The following CHCHD3 variants were observed in gnomAD, a reference collection of about 807,000 sequenced individuals.
CHCHD3 encodes MICOS complex subunit MIC19.
Under a neutral mutation model 38.2 loss-of-function variants are expected in CHCHD3, and 20 were observed. The observed-to-expected ratio is 0.52, with a 90% CI of 0.37 to 0.76. CHCHD3 has a LOEUF of 0.76. Ranked by LOEUF, CHCHD3 falls within the 30% of genes least tolerant of loss-of-function variation. The pLI is 0.00. For synonymous variants in CHCHD3, 82 were observed against 100.0 expected, an observed-to-expected ratio of 0.82 and a Z score of 1.07; for missense variants, 245 against 279.2, an observed-to-expected ratio of 0.88 and a Z score of 0.87.
chr7:133,071,960 A>G (rs1348250344), intron 1 of CHCHD3, among the ~76,000 whole-genome samples: 1 of 152,176 alleles, frequency 6.6e-6, no homozygotes, highest in African/African-American at 2.4e-5. Context: ...TTAACTGTAA[A>G]CAGGCACAAG....
chr7:133,032,697 T>A (rs1016504523), intron 2 of CHCHD3, among the ~76,000 whole-genome samples: 1 of 152,152 alleles, frequency 6.6e-6, no homozygotes, highest in African/African-American at 2.4e-5. Context: ...ACATCTTAAG[T>A]AGACAATTCC....
Position 133,081,865 on chromosome 7 carries a change from C to T in CHCHD3, c.73G>A (p.Gly25Ser). 3 of 1,554,226 alleles carry T rather than the reference C, an allele frequency of 1.9e-6. No homozygotes were observed. Among genetic ancestry groups the T allele is most frequent in the Non-Finnish European group, 1.7e-6 (2 of 1,148,296 alleles). The change falls in exon 1 of 8, where the codon GGC (glycine) becomes AGC (serine). Residue 25 changes from glycine to serine, a missense_variant. Physicochemically the swap from Gly to Ser is moderately conservative, Grantham distance 56. Transcript: ENST00000262570. ...CGTCCACGGGCACTCACCCGGATGC[C>T]CTTCACCACGGTGATGTTCTCATTC... Reference protein sequence around the residue: ...DENENITVVKGIRLSENVIDR... With the variant: ...DENENITVVKSIRLSENVIDR...
At chr7:132,880,518 T>C (rs1024616393) in intron 5 of CHCHD3, among the ~76,000 whole-genome samples, 2 of 152,202 alleles carry the variant, frequency 1.3e-5, no homozygotes, top group Non-Finnish European at 2.9e-5. Context: ...GTGTGTATTT[T>C]AAAACTATAC....
intron 3 of CHCHD3, among the ~76,000 whole-genome samples, chr7:132,980,784 T>A (rs112638015): frequency 6.6e-6 from 1 of 152,270 alleles, no homozygotes; most frequent in Admixed American, 6.5e-5. Context: ...TTATAAAACA[T>A]TCAACTTTCA....
chr7:132,793,249 G>A (rs951345417), intron 7 of CHCHD3, among the ~76,000 whole-genome samples: 1 of 152,132 alleles, frequency 6.6e-6, no homozygotes, highest in African/African-American at 2.4e-5. Context: ...ATGGGAACCA[G>A]GTATCAAAGG....
intron 4 of CHCHD3, among the ~76,000 whole-genome samples, chr7:132,888,712 T>A (rs993488488): frequency 1.3e-5 from 2 of 151,998 alleles, no homozygotes; most frequent in Admixed American, 1.3e-4. Context: ...ATTATAAAGA[T>A]TTTGATCCAG....
chr7:132,800,212 C>T (rs1347453545), intron 6 of CHCHD3, among the ~76,000 whole-genome samples: 1 of 152,096 alleles, frequency 6.6e-6, no homozygotes, highest in Non-Finnish European at 1.5e-5. Context: ...TTTTTCACTG[C>T]TTAAAAAACA....
Position 133,068,542 on chromosome 7 carries a change from A to C in CHCHD3, c.169+1600T>G, listed in dbSNP as rs528335141. On this transcript the variant is annotated intron_variant, in intron 2 of 7. Coordinates refer to ENST00000262570, the MANE Select transcript of CHCHD3 (RefSeq NM_017812.4). ...AGAGCCACCACTGGGACATGACTTGACCTGATTTGCTTTTCTTCAAAAGAT... is the reference window on the plus strand; with the variant it reads ...AGAGCCACCACTGGGACATGACTTGCCCTGATTTGCTTTTCTTCAAAAGAT... Among the ~76,000 whole-genome samples, 103 of 152,324 alleles carry C rather than the reference A, an allele frequency of 6.8e-4. 2 individuals are homozygous for C. The highest frequency in any genetic ancestry group is 2.3e-3 in the African/African-American group (97 of 41,568).
intron 4 of CHCHD3, among the ~76,000 whole-genome samples, chr7:132,955,765 G>T (rs1811149336): frequency 6.6e-6 from 1 of 152,032 alleles, no homozygotes; most frequent in African/African-American, 2.4e-5. Context: ...ATTCTAACAA[G>T]GAAGAGCAGA....
chr7:132,941,418 T>C (rs1454273781), intron 4 of CHCHD3, among the ~76,000 whole-genome samples: 5 of 152,094 alleles, frequency 3.3e-5, no homozygotes, highest in African/African-American at 9.7e-5. Context: ...CTCACAACAA[T>C]GGCTTTCCTT....
intron 4 of CHCHD3, among the ~76,000 whole-genome samples, chr7:132,898,238 C>CT (rs1301119275): frequency 1.3e-5 from 2 of 152,196 alleles, no homozygotes; most frequent in Admixed American, 6.5e-5. Flanking sequence ...CGGGTTGCCA[C>CT]TGCTGGCTGG....
chr7:133,038,916 A>T (rs1813753260), intron 2 of CHCHD3, among the ~76,000 whole-genome samples: 1 of 152,220 alleles, frequency 6.6e-6, no homozygotes, highest in South Asian at 2.1e-4. Flanking sequence ...TGTAAATGTA[A>T]ACTATATTAT....
chr7:133,003,819 G>A (rs1346905986), intron 3 of CHCHD3, among the ~76,000 whole-genome samples: 1 of 152,052 alleles, frequency 6.6e-6, no homozygotes, highest in African/African-American at 2.4e-5. Context: ...AAAATACCTT[G>A]AAAAGAAACA....
At chr7:132,992,925 A>G (rs1271813840) in intron 3 of CHCHD3, among the ~76,000 whole-genome samples, 16 of 152,178 alleles carry the variant, frequency 1.1e-4, no homozygotes, top group South Asian at 2.1e-4. Flanking sequence ...AATTTTCTAA[A>G]TCCTTGCATA....
At chr7:133,061,143 C>T (rs1054811346) in intron 2 of CHCHD3, among the ~76,000 whole-genome samples, 2 of 151,616 alleles carry the variant, frequency 1.3e-5, no homozygotes, top group Non-Finnish European at 2.9e-5. Context: ...AGAGGAAGGC[C>T]GGGGTGGGGT....
chr7:133,060,294 T>C (rs1351986393), intron 2 of CHCHD3, among the ~76,000 whole-genome samples: 1 of 152,128 alleles, frequency 6.6e-6, no homozygotes, highest in Non-Finnish European at 1.5e-5. Flanking sequence ...CTGAAGGAAG[T>C]GCCAGAAGAG....
chr7:132,838,292 T>C (rs1327079139), intron 6 of CHCHD3, 107 bp downstream of exon 6: 1 of 662,706 alleles, frequency 1.5e-6, no homozygotes, highest in Non-Finnish European at 2.5e-6. Context: ...CTCTTCCAAG[T>C]ATTCTAGAGT....
intron 4 of CHCHD3, among the ~76,000 whole-genome samples, chr7:132,956,566 TATA>T (rs1171023837): frequency 1.3e-5 from 2 of 152,250 alleles, no homozygotes; most frequent in African/African-American, 4.8e-5. Flanking sequence ...ATAAGTACAA[TATA>T]ATGTCATTAT....
At chr7:132,913,948 C>CTTTTTTT (rs71178066) in intron 4 of CHCHD3, among the ~76,000 whole-genome samples, 18 of 102,334 alleles carry the variant, frequency 1.8e-4, no homozygotes, top group East Asian at 2.8e-4. Flanking sequence ...TTTTCTTTTT[C>CTTTTTTT]TTTTTTTTTT....
Sources: gnomAD v4.1 joint callset for allele counts (sites outside exome capture counted in the v4.1 genomes callset) on GRCh38, gnomAD v4.1.1 for gene constraint, MANE v1.5 for transcripts, NCBI Gene and HGNC (gene_info 2026-07-23, HGNC 2026-07-21) for gene names.